Variants in ETV6 observed in about 807,000 individuals in gnomAD.
ETV6 encodes the protein ETS variant transcription factor 6, also known as transcription factor ETV6.
In ETV6, 16 loss-of-function variants were observed where a neutral mutation model predicts 51.1. The ratio of observed to expected loss-of-function variants is 0.31; its 90% CI spans 0.21 to 0.48. The LOEUF (loss-of-function observed/expected upper bound fraction) is 0.48, where lower values mean the gene tolerates loss of function less well. Ranked by LOEUF, ETV6 falls within the 20% of genes least tolerant of loss-of-function variation. The pLI, the probability that ETV6 is intolerant of heterozygous loss-of-function variation, is 0.99. For synonymous variants in ETV6, 240 were observed against 224.1 expected, an observed-to-expected ratio of 1.07 and a Z score of -0.64; for missense variants, 458 against 594.8, an observed-to-expected ratio of 0.77 and a Z score of 2.39.
At position 11,736,963 on chromosome 12, in the gene ETV6, T is replaced by TG. The variant is rs147865483; in HGVS notation, c.34-15485dup. Among the ~76,000 whole-genome samples, 746 of 152,328 alleles carry TG rather than the reference T, an allele frequency of 4.9e-3. 6 individuals are homozygous for TG. Among genetic ancestry groups the TG allele is most frequent in the African/African-American group, 0.017 (701 of 41,566 alleles). ...AGCTCTGTTCTAGTTGTAAGGGATA[T>TG]GGCAGTGAACAAGGCAGACAAGGTC... is the stretch of plus-strand genomic sequence containing the variant. On this transcript the variant is annotated intron_variant, in intron 1 of 7. Transcript: ENST00000396373.
intron 4 of ETV6, among the ~76,000 whole-genome samples, chr12:11,855,772 C>G (rs980338655): frequency 4.6e-5 from 7 of 152,150 alleles, no homozygotes; most frequent in African/African-American, 1.4e-4. Context: ...TTCCTCCCCT[C>G]ACTCTACCCT....
At chr12:11,828,748 T>C (rs983075584) in intron 2 of ETV6, among the ~76,000 whole-genome samples, 3 of 152,204 alleles carry the variant, frequency 2.0e-5, no homozygotes, top group African/African-American at 7.2e-5. Flanking sequence ...AAGTACTTGC[T>C]CTAATCTCTT....
At chr12:11,847,739 G>A (rs1403069106) in intron 3 of ETV6, among the ~76,000 whole-genome samples, 1 of 152,172 alleles carries the variant, frequency 6.6e-6, no homozygotes, top group East Asian at 1.9e-4. Flanking sequence ...AGGTGAGGAA[G>A]TGGTGAGAAT....
chr12:11,808,214 A>G (rs1945857494), intron 2 of ETV6, among the ~76,000 whole-genome samples: 1 of 152,232 alleles, frequency 6.6e-6, no homozygotes, highest in African/African-American at 2.4e-5. Flanking sequence ...AGTAGAATTG[A>G]GCCCCATAAG....
At chr12:11,877,699 C>T (rs1342374342) in intron 5 of ETV6, among the ~76,000 whole-genome samples, 1 of 152,132 alleles carries the variant, frequency 6.6e-6, no homozygotes, top group African/African-American at 2.4e-5. Flanking sequence ...CAGTGTGGGC[C>T]TGTGGCAAAA....
intron 2 of ETV6, chr12:11,769,110 T>C: frequency 5.4e-6 from 2 of 367,034 alleles, no homozygotes; most frequent in South Asian, 4.1e-5. Flanking sequence ...AGTAGAGTAG[T>C]AATTACAGGA....
intron 2 of ETV6, among the ~76,000 whole-genome samples, chr12:11,775,858 C>T (rs1350039196): frequency 6.6e-6 from 1 of 152,234 alleles, no homozygotes; most frequent in African/African-American, 2.4e-5. Context: ...CCATACACGT[C>T]AATATGTTAT....
intron 2 of ETV6, among the ~76,000 whole-genome samples, chr12:11,765,881 G>GAGAGT (rs1408488766): frequency 3.3e-5 from 5 of 152,214 alleles, no homozygotes; most frequent in Non-Finnish European, 5.9e-5. Flanking sequence ...AGGGGGAAAC[G>GAGAGT]AGAGTAGGTA....
At chr12:11,868,723 T>C (rs10772510) in intron 4 of ETV6, among the ~76,000 whole-genome samples, 62,657 of 151,814 alleles carry the variant, frequency 0.41, 14,539 homozygotes, top group South Asian at 0.58. Flanking sequence ...TTAGAGAATA[T>C]GAAAATTTTA....
Position 11,837,666 on chromosome 12 carries a change from G to A in ETV6, c.164-1474G>A, listed in dbSNP as rs1302123505. 2.0e-5 allele frequency among the ~76,000 whole-genome samples: 3 copies of A among 152,232 alleles called. No individual in the cohort carries two copies. The South Asian group carries it at 6.2e-4, about 31-fold the overall frequency. On this transcript the variant is annotated intron_variant, in intron 2 of 7. Transcript: ENST00000396373. ...TGAGGGACACTTTTATAACACACTT[G>A]TGAAGTCTTCGTAGCAAGTTTAAGT...
At chr12:11,664,914 C>T (rs1215194087) in intron 1 of ETV6, among the ~76,000 whole-genome samples, 2 of 152,230 alleles carry the variant, frequency 1.3e-5, no homozygotes, top group Admixed American at 6.5e-5. Flanking sequence ...CTGTCTCACA[C>T]CACAGTACCA....
chr12:11,807,877 C>G (rs1266375817), intron 2 of ETV6, among the ~76,000 whole-genome samples: 1 of 152,156 alleles, frequency 6.6e-6, no homozygotes, highest in African/African-American at 2.4e-5. Flanking sequence ...GGAATTACTT[C>G]TTGAACTTGA....
At chr12:11,781,791 A>G (rs1591669299) in intron 2 of ETV6, among the ~76,000 whole-genome samples, 1 of 152,130 alleles carries the variant, frequency 6.6e-6, no homozygotes. Context: ...TCCCTTCTAT[A>G]AACTCCTCTT....
intron 1 of ETV6, among the ~76,000 whole-genome samples, chr12:11,715,275 A>G (rs1865253598): frequency 6.6e-6 from 1 of 152,088 alleles, no homozygotes; most frequent in African/African-American, 2.4e-5. Context: ...TTGAGTGGAG[A>G]TGGACCCTAG....
At chr12:11,728,897 C>G (rs540894349) in intron 1 of ETV6, among the ~76,000 whole-genome samples, 1 of 152,126 alleles carries the variant, frequency 6.6e-6, no homozygotes, top group African/African-American at 2.4e-5. Context: ...AGTCTTTAGC[C>G]GTATACCTAC....
rs75035724 is a variant in ETV6, at chr12:11,875,727, C to T, written c.1009+5758C>T. Among the ~76,000 whole-genome samples the T allele has an allele frequency of 8.6e-3, 1,317 of 152,272 alleles. 9 individuals are homozygous for T. Among genetic ancestry groups the T allele is most frequent in the Non-Finnish European group, 0.012 (808 of 68,022 alleles). Reference sequence around the variant, plus strand: ...AGTGTTTTTCCCAAAATTATTGTTTCCTTCTGGTCTGGGACTCTAGAGCAA... The same window carrying T: ...AGTGTTTTTCCCAAAATTATTGTTTTCTTCTGGTCTGGGACTCTAGAGCAA... On this transcript the variant is annotated intron_variant, in intron 5 of 7. Transcript: ENST00000396373.
intron 1 of ETV6, among the ~76,000 whole-genome samples, chr12:11,712,503 C>G (rs1286418787): frequency 6.6e-6 from 1 of 152,152 alleles, no homozygotes; most frequent in Non-Finnish European, 1.5e-5. Flanking sequence ...CTGTGTTAAT[C>G]AGGGTTCTCC....
chr12:11,703,659 G>T (rs548310501), intron 1 of ETV6, among the ~76,000 whole-genome samples: 1 of 152,262 alleles, frequency 6.6e-6, no homozygotes, highest in South Asian at 2.1e-4. Context: ...TTAAGTCGTG[G>T]GGGCTATTCT....
chr12:11,681,180 G>A (rs571854367), intron 1 of ETV6, among the ~76,000 whole-genome samples: 9 of 152,228 alleles, frequency 5.9e-5, no homozygotes, highest in South Asian at 4.1e-4. Flanking sequence ...GTCTGCATCC[G>A]GGTTCCATTG....
Sources: gnomAD v4.1 joint callset for allele counts (sites outside exome capture counted in the v4.1 genomes callset) on GRCh38, gnomAD v4.1.1 for gene constraint, MANE v1.5 for transcripts, NCBI Gene and HGNC (gene_info 2026-07-23, HGNC 2026-07-21) for gene names.